The following COPS2 variants were observed in gnomAD, a reference collection of about 807,000 sequenced individuals.
The protein encoded by COPS2 is COP9 signalosome subunit 2, also known as COP9 signalosome complex subunit 2.
COPS2 carries 10 observed loss-of-function variants against 66.1 expected under a neutral mutation model. The ratio of observed to expected loss-of-function variants is 0.15; its 90% CI spans 0.09 to 0.26. The LOEUF is 0.26. COPS2 is among the 10% of genes least tolerant of loss of function. The pLI is 1.00. For synonymous variants in COPS2, 179 were observed against 171.3 expected (o/e 1.04, Z -0.35); for missense variants, 215 against 513.3 (o/e 0.42, Z 5.62).
In COPS2 at chr15:49,137,357, T is replaced by C; in HGVS notation, c.453A>G (p.Thr151=). 6.2e-7 allele frequency: 1 copy of C among 1,608,322 alleles called. No homozygotes were observed. The highest frequency in any genetic ancestry group is 2.2e-5 in the East Asian group (1 of 44,752). ...DAKNDRLWFK[T]NTKLGKLYLE... is the part of the protein sequence containing the mutation. ...GTATTATAACGGTTACCTTTGTGTT[T>C]GTCTTAAACCACAGTCTATCATTCT... Residue 151 remains threonine, a synonymous_variant, in exon 5 of 13, where the codon ACA becomes ACG. Coordinates refer to ENST00000388901, the MANE Select transcript of COPS2 (RefSeq NM_004236.4).
In COPS2 at chr15:49,155,555, G is replaced by A. The variant is rs2084422918; in HGVS notation, c.24C>T (p.Phe8=). 3 of 1,614,166 alleles carry A rather than the reference G, an allele frequency of 1.9e-6. No individual in the cohort carries two copies. The highest frequency in any genetic ancestry group is 1.1e-5 in the South Asian group (1 of 91,084). Reference sequence around the variant, plus strand: ...CGTAGTCCTCCTCATCATCGCACATGAAATCATCCTCCATGTCAGACATCT... The same window carrying A: ...CGTAGTCCTCCTCATCATCGCACATAAAATCATCCTCCATGTCAGACATCT... MSDMEDD[F]MCDDEEDYDL... Residue 8 remains phenylalanine (F), a synonymous_variant, in exon 1 of 13, where the codon TTC becomes TTT. Transcript: ENST00000388901.
chr15:49,133,462 T>C (rs1376082452), intron 9 of COPS2, among the ~76,000 whole-genome samples: 1 of 152,226 alleles, frequency 6.6e-6, no homozygotes, highest in East Asian at 1.9e-4. Context: ...TGAAATAATG[T>C]TTTAAGACAT....
intron 4 of COPS2, chr15:49,139,118 A>C (rs1233620498): frequency 6.4e-6 from 1 of 155,124 alleles, no homozygotes; most frequent in Non-Finnish European, 1.4e-5. Context: ...ACACTAACTG[A>C]TAAGAGCACA....
rs1237613726 is a variant in COPS2 at position 49,126,085 on chromosome 15, A to G, written c.*1865T>C. ...GGATAACAAAGGGTCTCCAAATTAT[A>G]TTGAAAAATAAATCCTAATTAATAT... On this transcript the variant is annotated 3_prime_UTR_variant, in exon 13 of 13. Transcript: ENST00000388901. The G allele has an allele frequency of 6.6e-6, 1 of 152,568 alleles. No homozygotes were observed. The highest frequency in any genetic ancestry group is 6.5e-5 in the Admixed American group (1 of 15,274). 9.5% of individuals were successfully genotyped at this position (152,568 alleles called of 1,614,324 possible).
At chr15:49,131,022 AAAAG>A (rs2084204440) in intron 9 of COPS2, among the ~76,000 whole-genome samples, 1 of 152,202 alleles carries the variant, frequency 6.6e-6, no homozygotes, top group Admixed American at 6.5e-5. Flanking sequence ...TTGGTTTTTT[AAAAG>A]AAAGATTAAA....
At chr15:49,147,644 TATA>T (rs745910391) in intron 1 of COPS2, among the ~76,000 whole-genome samples, 1 of 149,504 alleles carries the variant, frequency 6.7e-6, no homozygotes, top group Admixed American at 6.8e-5. Flanking sequence ...ACGGAATACT[TATA>T]ATAAGAGTAG....
At chr15:49,151,313 T>C (rs2084359434) in intron 1 of COPS2, among the ~76,000 whole-genome samples, 1 of 151,488 alleles carries the variant, frequency 6.6e-6, no homozygotes, top group Admixed American at 6.6e-5. Flanking sequence ...GGCAGGAGAA[T>C]TGCTTGAACC....
intron 4 of COPS2, 127 bp downstream of exon 4, chr15:49,139,401 A>C: frequency 8.2e-6 from 6 of 727,536 alleles, no homozygotes; most frequent in Admixed American, 2.7e-5. Flanking sequence ...ATCATTTTTA[A>C]AGCATACTAA....
intron 1 of COPS2, among the ~76,000 whole-genome samples, chr15:49,155,143 C>T (rs938775610): frequency 6.6e-6 from 1 of 152,240 alleles, no homozygotes; most frequent in African/African-American, 2.4e-5. Flanking sequence ...AGTGGGGGCC[C>T]GGAACGCTGG....
At chr15:49,149,717 A>G (rs1303484889) in intron 1 of COPS2, among the ~76,000 whole-genome samples, 6 of 152,180 alleles carry the variant, frequency 3.9e-5, no homozygotes, top group African/African-American at 1.4e-4. Context: ...TTACTCTTGT[A>G]TTTACCGCCA....
chr15:49,147,758 CTG>C (rs1243227958), intron 1 of COPS2, among the ~76,000 whole-genome samples: 3 of 145,980 alleles, frequency 2.1e-5, no homozygotes. Context: ...ATCACAATGA[CTG>C]AGAAAAGATT....
At chr15:49,152,801 C>A (rs1339633664) in intron 1 of COPS2, among the ~76,000 whole-genome samples, 1 of 151,830 alleles carries the variant, frequency 6.6e-6, no homozygotes, top group Non-Finnish European at 1.5e-5. Flanking sequence ...CCAGCCTGGG[C>A]AACAGAGTGA....
intron 4 of COPS2, among the ~76,000 whole-genome samples, chr15:49,138,894 A>C (rs1044316745): frequency 6.6e-6 from 1 of 152,252 alleles, no homozygotes; most frequent in Non-Finnish European, 1.5e-5. Context: ...TATACTGCTT[A>C]CAAGGATAAG....
Position 49,136,595 on chromosome 15 carries a change from G to C in COPS2, c.540+555C>G, listed in dbSNP as rs180680916. Among the ~76,000 whole-genome samples the C allele has an allele frequency of 1.8e-4, 27 of 152,212 alleles. 1 individual carries two copies. The East Asian group carries it at 4.6e-3, about 26-fold the overall frequency. ...TTTATTACACGTTTGTAATATCCTGGCTCTGTTTTCACAGGGTATATAACT... is the reference window on the plus strand; with the variant it reads ...TTTATTACACGTTTGTAATATCCTGCCTCTGTTTTCACAGGGTATATAACT... On this transcript the variant is annotated intron_variant, in intron 6 of 12. Transcript: ENST00000388901.
In COPS2 at chr15:49,154,992, C is replaced by T. The variant is rs182174007; in HGVS notation, c.54+533G>A. Among the ~76,000 whole-genome samples the T allele has an allele frequency of 1.2e-3, 178 of 152,354 alleles. 2 individuals carry two copies. Among genetic ancestry groups the T allele is most frequent in the African/African-American group, 4.2e-3 (176 of 41,588 alleles). On this transcript the variant is annotated intron_variant, in intron 1 of 12. Coordinates refer to ENST00000388901, the MANE Select transcript of COPS2 (RefSeq NM_004236.4). ...CCTACACACTTACCTCGGACCAAAA[C>T]TGGCCCTGGCAAGACTATTTAAGCT... is the stretch of plus-strand genomic sequence containing the variant.
chr15:49,139,242 C>T (rs542672964), intron 4 of COPS2: 67 of 239,898 alleles, frequency 2.8e-4, no homozygotes, highest in Non-Finnish European at 4.3e-4. Context: ...TTAGAAGGAC[C>T]TGTGGTAGCA....
chr15:49,143,402 G>A (rs2084301279), intron 3 of COPS2, among the ~76,000 whole-genome samples: 1 of 152,206 alleles, frequency 6.6e-6, no homozygotes, highest in Admixed American at 6.5e-5. Flanking sequence ...AGCAGGGTAA[G>A]GATGAAAGTA....
chr15:49,130,509 C>T (rs2084199700), intron 10 of COPS2, among the ~76,000 whole-genome samples: 2 of 151,994 alleles, frequency 1.3e-5, no homozygotes, highest in South Asian at 4.1e-4. Context: ...TATATATAAA[C>T]TTGACTATAG....
chr15:49,136,127 C>A (rs917573997), intron 6 of COPS2, among the ~76,000 whole-genome samples: 7 of 152,028 alleles, frequency 4.6e-5, no homozygotes, highest in African/African-American at 1.7e-4. Flanking sequence ...GTTTCTTAAT[C>A]GTTTCTCCCA....
Sources: allele counts gnomAD v4.1 joint callset (sites outside exome capture counted in the v4.1 genomes callset), GRCh38; gene constraint gnomAD v4.1.1; transcripts MANE v1.5; gene names NCBI Gene and HGNC (gene_info 2026-07-23, HGNC 2026-07-21).